MMP17: variants seen among roughly 807,000 people sequenced by gnomAD.
The protein encoded by MMP17 is matrix metallopeptidase 17.
In MMP17, 54 loss-of-function variants were observed where a neutral mutation model predicts 49.1. The ratio of observed to expected loss-of-function variants is 1.10; its 90% CI spans 0.88 to 1.38. The LOEUF is 1.38. MMP17 is among the 40% of genes most tolerant of loss of function. The pLI is 0.00. For missense variants in MMP17, 837 were observed against 853.7 expected, an observed-to-expected ratio of 0.98 and a Z score of 0.24; for synonymous variants, 397 against 383.1, an observed-to-expected ratio of 1.04 and a Z score of -0.42.
chr12:131,848,365 C>G (rs1043557254), intron 8 of MMP17, among the ~76,000 whole-genome samples: 1 of 152,216 alleles, frequency 6.6e-6, no homozygotes, highest in Non-Finnish European at 1.5e-5. Context: ...GGATTACAGG[C>G]ATGAGCCACC....
Position 131,850,045 on chromosome 12 carries a change from T to G in MMP17, c.1448T>G (p.Met483Arg), listed in dbSNP as rs1374645448. 6.2e-7 allele frequency: 1 copy of G among 1,611,418 alleles called. No homozygotes were observed. Among genetic ancestry groups the G allele is most frequent in the African/African-American group, 1.3e-5 (1 of 74,882 alleles). ...RGVPSTLDDA[M>R]RWSDGASYFF... is the part of the protein sequence containing the mutation. ...GTCCCCAGCACGCTGGACGACGCCA[T>G]GCGCTGGTCCGACGGTGAGTGCCAG... The change falls in exon 9 of 10, where the codon ATG becomes AGG. Residue 483 changes from methionine to arginine, a missense_variant. Coordinates refer to ENST00000360564, the MANE Select transcript of MMP17 (RefSeq NM_016155.7).
chr12:131,840,362 C>T (rs1887321943), intron 3 of MMP17: 1 of 535,646 alleles, frequency 1.9e-6, no homozygotes, highest in Admixed American at 3.3e-5. Context: ...CCTGCCTGGG[C>T]TCTCATTTCC....
chr12:131,840,825 C>T lies in MMP17; in HGVS notation c.675C>T (p.Asp225=), dbSNP rs758252041. The T allele has an allele frequency of 1.2e-5, 19 of 1,606,786 alleles. No individual in the cohort carries two copies. The highest frequency in any genetic ancestry group is 2.2e-5 in the South Asian group (2 of 90,970). Reference sequence around the variant, plus strand: ...ACACCGCCGGGGACACCCACTTTGACGATGACGAGGCCTGGACCTTCCGCT... The same window carrying T: ...ACACCGCCGGGGACACCCACTTTGATGATGACGAGGCCTGGACCTTCCGCT... ...HHHTAGDTHF[D]DDEAWTFRSS... is the part of the protein sequence containing the mutation. Residue 225 remains aspartate, a synonymous_variant, in exon 4 of 10, where the codon GAC becomes GAT. Transcript: ENST00000360564.
At position 131,841,747 on chromosome 12, in the gene MMP17, C is replaced by T. The variant is rs749078612; in HGVS notation, c.830C>T (p.Pro277Leu). Residue 277 changes from proline (P) to leucine (L), a missense_variant, in exon 5 of 10, where the codon CCG (proline) becomes CTG (leucine). Transcript: ENST00000360564. The stretch of plus-strand genomic sequence containing the variant: ...TACTACCAGGGCCCGGTGGGTGACC[C>T]GCTGCGCTACGGGCTCCCCTACGAG... ...RPYYQGPVGD[P>L]LRYGLPYEDK... 3.1e-6 allele frequency: 5 copies of T among 1,612,752 alleles called. No homozygotes were observed. The highest frequency in any genetic ancestry group is 1.1e-5 in the South Asian group (1 of 90,988).
chr12:131,833,299 G>A (rs1886919253), intron 1 of MMP17, among the ~76,000 whole-genome samples: 1 of 152,260 alleles, frequency 6.6e-6, no homozygotes, highest in Non-Finnish European at 1.5e-5. Flanking sequence ...GAATAGAGCA[G>A]TTATTACTGT....
At chr12:131,830,843 C>T (rs4964925) in intron 1 of MMP17, among the ~76,000 whole-genome samples, 149,268 of 152,306 alleles carry the variant, frequency 0.98, 73,223 homozygotes, top group East Asian at 1. Flanking sequence ...TCAGGAGCCC[C>T]CGGCGGGGAC....
Position 131,838,323 on chromosome 12 carries a change from C to T in MMP17, c.288C>T (p.Ile96=), listed in dbSNP as rs1333381530. ...TTGGTGGCCTGGAGGCCACCGGCAT[C>T]CTGGGTCAGTTCTCCAGGGGGCAGC... ...QQFGGLEATG[I]LDEATLALMK... The change falls in exon 2 of 10, where the codon ATC becomes ATT. Residue 96 remains isoleucine, a synonymous_variant. Coordinates refer to ENST00000360564, the MANE Select transcript of MMP17 (RefSeq NM_016155.7). 6.2e-7 allele frequency: 1 copy of T among 1,612,676 alleles called. No homozygotes were observed. The highest frequency in any genetic ancestry group is 8.5e-7 in the Non-Finnish European group (1 of 1,179,848).
rs1887975780 is a variant in MMP17 at position 131,851,570 on chromosome 12, T to A, written c.*296T>A. The A allele has an allele frequency of 2.8e-6, 1 of 350,908 alleles. No homozygotes were observed. The highest frequency in any genetic ancestry group is 4.2e-5 in the East Asian group (1 of 24,072). The allele number at this position is 350,908 out of a possible 1,614,324, so 21.7% of individuals were successfully genotyped here. A position where few individuals can be genotyped will look rare whatever the true frequency, so the allele number is the denominator to read the frequency against. ...GCCTCCTCCGGCCCTGGAGGGAGCA[T>A]CTCGGGCTGGGGGCCCACCCCTCTC... is the stretch of plus-strand genomic sequence containing the variant. On this transcript the variant is annotated 3_prime_UTR_variant, in exon 10 of 10. Coordinates refer to ENST00000360564, the MANE Select transcript of MMP17 (RefSeq NM_016155.7).
rs1887698005 is a variant in MMP17 at position 131,846,259 on chromosome 12, A to G, written c.1204+810A>G. ...CACATCCAGTGTCACCCTCAGCCAC[A>G]TCCCTCCTGCCACCGCCTCTGTCTC... On this transcript the variant is annotated intron_variant, in intron 8 of 9. Coordinates refer to ENST00000360564, the MANE Select transcript of MMP17 (RefSeq NM_016155.7). This position sits in a 1 kb window ranked among gnomAD's most constrained non-coding sequence, Gnocchi z 4.6. 6.6e-6 allele frequency among the ~76,000 whole-genome samples: 1 copy of G among 152,030 alleles called. No individual in the cohort carries two copies. The highest frequency in any genetic ancestry group is 2.4e-5 in the African/African-American group (1 of 41,360).
chr12:131,851,295 G>A lies in MMP17; in HGVS notation c.*21G>A. ...TATGACACACAGCGCGAGCCCATGA[G>A]AGGACAGAGGCGGTGGGACAGCCTG... On this transcript the variant is annotated 3_prime_UTR_variant, in exon 10 of 10. Coordinates refer to ENST00000360564, the MANE Select transcript of MMP17 (RefSeq NM_016155.7). 3.6e-6 allele frequency: 5 copies of A among 1,373,476 alleles called. No homozygotes were observed. Among genetic ancestry groups the A allele is most frequent in the Non-Finnish European group, 4.7e-6 (5 of 1,060,102 alleles). The allele number at this position is 1,373,476 out of a possible 1,614,324, so 85.1% of individuals were successfully genotyped here. A position where few individuals can be genotyped will look rare whatever the true frequency, so the allele number is the denominator to read the frequency against.
chr12:131,841,581 G>A (rs1887410817), intron 4 of MMP17, 43 bp from the exon 5 acceptor site: 5 of 1,608,706 alleles, frequency 3.1e-6, no homozygotes, highest in South Asian at 2.2e-5. Flanking sequence ...GCGGGGACAG[G>A]GCCCTTCTTG....
intron 9 of MMP17, 44 bp from the exon 10 acceptor site, chr12:131,850,881 T>C (rs1181626708): frequency 7.2e-7 from 1 of 1,395,748 alleles, no homozygotes; most frequent in Non-Finnish European, 9.4e-7. Context: ...GAGCCCCTCC[T>C]GCTGCAGCCC....
intron 1 of MMP17, chr12:131,837,912 A>G (rs911462581): frequency 7.8e-6 from 2 of 257,270 alleles, no homozygotes; most frequent in Non-Finnish European, 1.5e-5. Flanking sequence ...GGGTTTCACC[A>G]TATTAGCTAG....
chr12:131,845,309 G>A lies in MMP17; in HGVS notation c.1064G>A (p.Trp355Ter). Reference protein sequence around the residue: ...EAFFFKGKYFWRLTRDRHLVS... With the variant: ...EAFFFKGKYF The stretch of plus-strand genomic sequence containing the variant: ...TCTGTGCCCCCAGGCAAGTACTTCT[G>A]GCGGCTGACGCGGGACCGGCACCTG... The change falls in exon 8 of 10, where the codon TGG (tryptophan) becomes TAG (stop). Residue 355 changes from tryptophan to a stop codon, truncating the protein, a stop_gained. Transcript: ENST00000360564. LOFTEE classifies it high-confidence loss of function. 6.2e-7 allele frequency: 1 copy of A among 1,607,724 alleles called. No individual in the cohort carries two copies. The highest frequency in any genetic ancestry group is 1.1e-5 in the South Asian group (1 of 90,934).
intron 1 of MMP17, among the ~76,000 whole-genome samples, chr12:131,830,523 T>G (rs986760444): frequency 6.6e-6 from 1 of 152,164 alleles, no homozygotes; most frequent in Non-Finnish European, 1.5e-5. Context: ...CTGCTGGCCC[T>G]CGGGGAACCG....
intron 1 of MMP17, among the ~76,000 whole-genome samples, chr12:131,829,739 G>A (rs564195629): frequency 1.3e-5 from 2 of 152,374 alleles, no homozygotes; most frequent in East Asian, 3.9e-4. Flanking sequence ...CGAGGCATAT[G>A]GAGGGGCCAC....
chr12:131,828,425 C>A lies in MMP17; in HGVS notation c.-70C>A. On this transcript the variant is annotated 5_prime_UTR_variant, in exon 1 of 10. Transcript: ENST00000360564. ...CGGGGGCGCCGCGGAGAGCGGAGGG[C>A]GCCGGGCTGCGGAACGCGAAGCGGA... 2.3e-6 allele frequency: 2 copies of A among 884,820 alleles called. No individual in the cohort carries two copies. The highest frequency in any genetic ancestry group is 5.1e-5 in the South Asian group (1 of 19,476). The allele number at this position is 884,820 out of a possible 1,614,324, so 54.8% of individuals were successfully genotyped here. A position where few individuals can be genotyped will look rare whatever the true frequency, so the allele number is the denominator to read the frequency against.
chr12:131,835,328 G>C (rs903989003), intron 1 of MMP17, among the ~76,000 whole-genome samples: 3 of 152,242 alleles, frequency 2.0e-5, no homozygotes, highest in Admixed American at 2.0e-4. Flanking sequence ...TGGTGCTGGG[G>C]CCCTGGTTCT....
At chr12:131,840,401 A>G (rs1887324249) in intron 3 of MMP17, 172 bp from the exon 4 acceptor site, 1 of 638,110 alleles carries the variant, frequency 1.6e-6, no homozygotes. Context: ...CCAGTGAACT[A>G]CTGGAACCGC....
Sources: gnomAD v4.1 joint callset for allele counts (sites outside exome capture counted in the v4.1 genomes callset) on GRCh38, gnomAD v4.1.1 for gene constraint, Gnocchi (gnomAD v3.1) non-coding constraint, MANE v1.5 for transcripts, NCBI Gene and HGNC (gene_info 2026-07-23, HGNC 2026-07-21) for gene names.